Variants in MLH3 observed in about 807,000 individuals in gnomAD.
MLH3 encodes the protein mutL homolog 3, also known as DNA mismatch repair protein Mlh3.
In MLH3, 82 loss-of-function variants were observed where a neutral mutation model predicts 122.2. That is an observed-to-expected ratio of 0.67 (90% CI 0.56 to 0.81). MLH3 has a LOEUF of 0.81. MLH3 is among the 30% of genes least tolerant of loss of function. The probability of loss-of-function intolerance (pLI) is 0.00; values close to 1 mark genes in which losing one functional copy is unlikely to be tolerated. For missense variants in MLH3, 1,539 were observed against 1,714.5 expected (o/e 0.90, Z 1.81); for synonymous variants, 524 against 599.5 (o/e 0.87, Z 1.84).
intron 2 of MLH3, among the ~76,000 whole-genome samples, chr14:75,044,679 GT>G (rs1379627284): frequency 6.6e-6 from 1 of 152,178 alleles, no homozygotes; most frequent in African/African-American, 2.4e-5. Flanking sequence ...AGTTACTACA[GT>G]GATTTTTTTT....
At chr14:75,027,688 A>AAAAAAC (rs1890743262) in intron 9 of MLH3, among the ~76,000 whole-genome samples, 1 of 134,546 alleles carries the variant, frequency 7.4e-6, no homozygotes, top group Non-Finnish European at 1.6e-5. Context: ...AAAAAAAAAA[A>AAAAAAC]AAAAAACCCA....
rs766431474 is a variant in MLH3, at chr14:75,047,015, T to G, written c.2641A>C (p.Lys881Gln). 1.9e-6 allele frequency: 3 copies of G among 1,614,176 alleles called. No homozygotes were observed. In the South Asian group the frequency reaches 3.3e-5, roughly 18 times the overall value. Residue 881 changes from lysine (K) to glutamine (Q), a missense_variant, in exon 2 of 13, where the codon AAG becomes CAG. By Grantham distance (53) the Lys-to-Gln change is moderately conservative (BLOSUM62 1). Coordinates refer to ENST00000355774, the MANE Select transcript of MLH3 (RefSeq NM_001040108.2). ...ESLASKLSRL[K>Q]GSERETQTMG... ...GTTTGAGTTTCTCTTTCGGAACCCT[T>G]CAGTCTGGATAATTTAGAGGCTAGT...
Position 75,048,943 on chromosome 14 carries a change from T to G in MLH3, c.713A>C (p.Tyr238Ser), listed in dbSNP as rs144707485. The G allele has an allele frequency of 4.5e-4, 733 of 1,613,242 alleles. 4 individuals are homozygous for G. Among genetic ancestry groups the G allele is most frequent in the Middle Eastern group, 1.8e-3 (11 of 6,074 alleles). The change falls in exon 2 of 13, where the codon TAT becomes TCT. Residue 238 changes from tyrosine (Y) to serine (S), a missense_variant. By Grantham distance (144) the Tyr-to-Ser change is moderately radical (BLOSUM62 -2). Coordinates refer to ENST00000355774, the MANE Select transcript of MLH3 (RefSeq NM_001040108.2). ...GTTGTAATGTGCTTCAGAGCTGATATAGCCACTAAGCTCAAACTCTTTATA... is the reference window on the plus strand; with the variant it reads ...GTTGTAATGTGCTTCAGAGCTGATAGAGCCACTAAGCTCAAACTCTTTATA... Reference protein sequence around the residue: ...FKYKEFELSGYISSEAHYNKN... With the variant: ...FKYKEFELSGSISSEAHYNKN...
At chr14:75,039,842 AGGCC>A in intron 5 of MLH3, 65 bp downstream of exon 5, 1 of 350,326 alleles carries the variant, frequency 2.9e-6, no homozygotes, top group Non-Finnish European at 4.4e-6. Context: ...TAGAAGAGTT[AGGCC>A]ATATATATAT....
intron 11 of MLH3, among the ~76,000 whole-genome samples, chr14:75,020,489 G>A (rs142681099): frequency 2.4e-4 from 37 of 152,292 alleles, no homozygotes; most frequent in African/African-American, 8.7e-4. Flanking sequence ...CAGACGGACC[G>A]AAGATACATT....
chr14:75,046,075 G>C lies in MLH3; in HGVS notation c.3280+301C>G, dbSNP rs184795241. Among the ~76,000 whole-genome samples, 190 of 151,794 alleles carry C rather than the reference G, an allele frequency of 1.3e-3. 1 individual carries two copies. Among genetic ancestry groups the C allele is most frequent in the Middle Eastern group, 0.01 (3 of 294 alleles). Reference sequence around the variant, plus strand: ...TGCTCTTGTAATCCAAGCTACACTGGAGGCTGAGGCAGGAGAATCGCTTGA... The same window carrying C: ...TGCTCTTGTAATCCAAGCTACACTGCAGGCTGAGGCAGGAGAATCGCTTGA... On this transcript the variant is annotated intron_variant, in intron 2 of 12. Coordinates refer to ENST00000355774, the MANE Select transcript of MLH3 (RefSeq NM_001040108.2).
In MLH3 at chr14:75,039,918, G is replaced by T; in HGVS notation, c.3563C>A (p.Ser1188Ter). 6.9e-7 allele frequency: 1 copy of T among 1,447,914 alleles called. No homozygotes were observed. The highest frequency in any genetic ancestry group is 9.5e-7 in the Non-Finnish European group (1 of 1,053,424). 89.7% of individuals were successfully genotyped at this position (1,447,914 alleles called of 1,614,324 possible). A position where few individuals can be genotyped will look rare whatever the true frequency, so the allele number is the denominator to read the frequency against. ...TTGAAGTTAATCTTTTACCTGCATT[G>T]AATGAATCATTCCTTTGGTGAAACG... ...PYRFTKGMIH[S>*]MQVLQQVDNK... The change falls in exon 5 of 13, where the codon TCA becomes TAA. Residue 1188 changes from serine to a stop codon, truncating the protein, a stop_gained. Transcript: ENST00000355774. LOFTEE classifies it high-confidence loss of function.
chr14:75,030,774 A>T, intron 8 of MLH3, 72 bp from the exon 9 acceptor site: 1 of 1,294,718 alleles, frequency 7.7e-7, no homozygotes, highest in Admixed American at 1.8e-5. Context: ...CTGGTTCCAA[A>T]TACTACTTAA....
In MLH3 at chr14:75,032,061, T is replaced by C; in HGVS notation, c.3827+7A>G. 6.9e-7 allele frequency: 1 copy of C among 1,444,220 alleles called. No homozygotes were observed. Among genetic ancestry groups the C allele is most frequent in the Non-Finnish European group, 9.8e-7 (1 of 1,024,964 alleles). The allele number at this position is 1,444,220 out of a possible 1,614,324, so 89.5% of individuals were successfully genotyped here. ...CATCAACATCACATTCTCATGGTGG[T>C]ACTGACCATAAGAGTCTCCTTTGTT... On this transcript the variant is annotated splice_region_variant and intron_variant, in intron 8 of 12. Coordinates refer to ENST00000355774, the MANE Select transcript of MLH3 (RefSeq NM_001040108.2).
chr14:75,039,845 CCATATATATATATATATATATA>C lies in MLH3; in HGVS notation c.3570+44_3570+65del. On this transcript the variant is annotated intron_variant, in intron 5 of 12. Transcript: ENST00000355774. The stretch of plus-strand genomic sequence containing the variant: ...TAAATCAAATTTTAGAAGAGTTAGG[CCATATATATATATATATATATA>C]TATATATATATATATTTATGAGATT... The C allele has an allele frequency of 6.3e-6, 2 of 316,482 alleles. 1 individual carries two copies. The highest frequency in any genetic ancestry group is 7.4e-5 in the South Asian group (2 of 27,140). The allele number at this position is 316,482 out of a possible 1,614,324, so 19.6% of individuals were successfully genotyped here.
In MLH3 at chr14:75,038,376, A is replaced by G. The variant is rs1331679382; in HGVS notation, c.3607T>C (p.Leu1203=). Residue 1203 remains leucine (L), a synonymous_variant, in exon 6 of 13, where the codon TTG becomes CTG. Transcript: ENST00000355774. ...QQVDNKFIAC[L]MSTKTEENGE... ...TTCTCTTCAGTCTTAGTGCTCATCA[A>G]ACAGGCAATAAACTTGTTATCTACT... is the stretch of plus-strand genomic sequence containing the variant. The G allele has an allele frequency of 3.1e-6, 5 of 1,613,850 alleles. No individual in the cohort carries two copies. Among genetic ancestry groups the G allele is most frequent in the Non-Finnish European group, 4.2e-6 (5 of 1,179,892 alleles).
In MLH3 at chr14:75,042,415, G is replaced by C. The variant is rs749297558; in HGVS notation, c.3343C>G (p.Arg1115Gly). 6.2e-7 allele frequency: 1 copy of C among 1,614,096 alleles called. No homozygotes were observed. Among genetic ancestry groups the C allele is most frequent in the South Asian group, 1.1e-5 (1 of 91,062 alleles). The change falls in exon 3 of 13, where the codon CGA (arginine) becomes GGA (glycine). Residue 1115 changes from arginine (R) to glycine (G), a missense_variant. By Grantham distance (125) the Arg-to-Gly change is moderately radical. Coordinates refer to ENST00000355774, the MANE Select transcript of MLH3 (RefSeq NM_001040108.2). ...DLVLPFLPRA[R>G]AERTVMRQDN... The stretch of plus-strand genomic sequence containing the variant: ...TGTCTCATCACAGTCCTCTCTGCTC[G>C]AGCTCTCGGAAGGAAAGGAAGAACA...
Position 75,030,605 on chromosome 14 carries a change from C to A in MLH3, c.3925G>T (p.Val1309Leu). The A allele has an allele frequency of 6.2e-7, 1 of 1,614,008 alleles. No individual in the cohort carries two copies. Among genetic ancestry groups the A allele is most frequent in the Non-Finnish European group, 8.5e-7 (1 of 1,179,954 alleles). ...VLVGKVPLCF[V>L]EREANELRRG... ...CGAAGTTCATTGGCTTCTCTTTCCACAAAACATAGTGGTACTTTTCCCACA... is the reference window on the plus strand; with the variant it reads ...CGAAGTTCATTGGCTTCTCTTTCCAAAAAACATAGTGGTACTTTTCCCACA... The change falls in exon 9 of 13, where the codon GTG (valine) becomes TTG (leucine). Residue 1309 changes from valine (V) to leucine (L), a missense_variant. Val to Leu is a conservative substitution (Grantham distance 32). Coordinates refer to ENST00000355774, the MANE Select transcript of MLH3 (RefSeq NM_001040108.2).
At chr14:75,028,653 A>G (rs1890821544) in intron 9 of MLH3, among the ~76,000 whole-genome samples, 2 of 150,710 alleles carry the variant, frequency 1.3e-5, no homozygotes, top group Non-Finnish European at 3.0e-5. Flanking sequence ...CCAGACCTCA[A>G]ATGATCCGCC....
chr14:75,045,745 T>G (rs1892161425), intron 2 of MLH3, among the ~76,000 whole-genome samples: 1 of 152,168 alleles, frequency 6.6e-6, no homozygotes, highest in Non-Finnish European at 1.5e-5. Context: ...ATAGTATCAT[T>G]TTTATTAAAA....
intron 9 of MLH3, among the ~76,000 whole-genome samples, chr14:75,024,018 C>T (rs985832153): frequency 1.3e-5 from 2 of 152,124 alleles, no homozygotes; most frequent in Non-Finnish European, 2.9e-5. Context: ...AATCCACTGA[C>T]AAAGCTTAGT....
chr14:75,050,275 A>G (rs1004435291), intron 1 of MLH3, among the ~76,000 whole-genome samples: 2 of 152,268 alleles, frequency 1.3e-5, no homozygotes, highest in African/African-American at 2.4e-5. Context: ...GGTTAAGTAT[A>G]GTCACCTCAG....
chr14:75,039,694 ATTTC>A (rs1370055566), intron 5 of MLH3, among the ~76,000 whole-genome samples: 4 of 151,718 alleles, frequency 2.6e-5, no homozygotes, highest in East Asian at 3.9e-4. Context: ...TACTAAAGAT[ATTTC>A]TTTCTTTGTA....
In MLH3 at chr14:75,047,464, T is replaced by C; in HGVS notation, c.2192A>G (p.Asp731Gly). The C allele has an allele frequency of 6.2e-7, 1 of 1,614,126 alleles. No homozygotes were observed. The highest frequency in any genetic ancestry group is 8.5e-7 in the Non-Finnish European group (1 of 1,180,006). ...TGGTTTGGAGAAACCAATTAATTTA[T>C]CTGTTTTCCTACTATCATTGGAAAC... is the stretch of plus-strand genomic sequence containing the variant. ...RHVSNDSRKT[D>G]KLIGFSKPIV... The change falls in exon 2 of 13, where the codon GAT becomes GGT. Residue 731 changes from aspartate (D) to glycine (G), a missense_variant. Asp to Gly is a moderately conservative substitution (Grantham distance 94, BLOSUM62 -1). Transcript: ENST00000355774.
Sources: allele counts gnomAD v4.1 joint callset (sites outside exome capture counted in the v4.1 genomes callset), GRCh38; gene constraint gnomAD v4.1.1; transcripts MANE v1.5; gene names NCBI Gene and HGNC (gene_info 2026-07-23, HGNC 2026-07-21).